NFIA: variants seen among roughly 807,000 people sequenced by gnomAD.
NFIA encodes the protein nuclear factor I A, also known as nuclear factor 1 A-type.
A neutral mutation model predicts 62.8 loss-of-function variants in NFIA; 8 were observed. The observed-to-expected ratio is 0.13, with a 90% CI of 0.07 to 0.23. NFIA has a LOEUF of 0.23. Among genes scored for constraint, NFIA ranks in the 10% least tolerant of loss-of-function variants. The probability of loss-of-function intolerance (pLI) is 1.00; values close to 1 mark genes in which losing one functional copy is unlikely to be tolerated. For missense variants in NFIA, 410 were observed against 642.1 expected (o/e 0.64, Z 3.91); for synonymous variants, 235 against 238.1 (o/e 0.99, Z 0.12).
chr1:61,391,435 A>AACACACACACAC (rs60938787), intron 7 of NFIA, among the ~76,000 whole-genome samples: 32 of 124,674 alleles, frequency 2.6e-4, no homozygotes, highest in Admixed American at 5.7e-4. Flanking sequence ...TTATGAATCA[A>AACACACACACAC]ACACACACAC....
chr1:61,339,998 G>A (rs1163920798), intron 4 of NFIA, among the ~76,000 whole-genome samples: 1 of 152,164 alleles, frequency 6.6e-6, no homozygotes, highest in Non-Finnish European at 1.5e-5. Flanking sequence ...TGACATTAGT[G>A]TATCCTTCAG....
intron 10 of NFIA, among the ~76,000 whole-genome samples, chr1:61,452,582 G>C (rs959962147): frequency 7.9e-5 from 12 of 152,094 alleles, no homozygotes; most frequent in African/African-American, 2.9e-4. Context: ...CCACCACAGG[G>C]CAGCTCAGCC....
intron 2 of NFIA, among the ~76,000 whole-genome samples, chr1:61,223,515 G>A (rs974971800): frequency 2.0e-5 from 3 of 151,940 alleles, no homozygotes; most frequent in Admixed American, 6.6e-5. Context: ...TATAAAATGA[G>A]ACTACTTGGA....
intron 2 of NFIA, among the ~76,000 whole-genome samples, chr1:61,151,655 A>C (rs17121705): frequency 0.02 from 3,075 of 152,312 alleles, 67 homozygotes; most frequent in East Asian, 0.092. Flanking sequence ...CCTGGAACTC[A>C]GAGCAGTGAT....
chr1:61,187,274 C>G (rs551865915), intron 2 of NFIA, among the ~76,000 whole-genome samples: 3 of 152,186 alleles, frequency 2.0e-5, no homozygotes, highest in African/African-American at 7.2e-5. Flanking sequence ...CCTGCCCGAG[C>G]CCCCCTTCTC....
At chr1:61,127,804 A>G (rs970711918) in intron 2 of NFIA, among the ~76,000 whole-genome samples, 1 of 152,034 alleles carries the variant, frequency 6.6e-6, no homozygotes, top group African/African-American at 2.4e-5. Context: ...TTTTTCCCCT[A>G]CTTTTCTTTG....
intron 6 of NFIA, among the ~76,000 whole-genome samples, chr1:61,360,748 A>G (rs1285116504): frequency 2.0e-5 from 3 of 152,226 alleles, no homozygotes; most frequent in Non-Finnish European, 2.9e-5. Context: ...GGTCACAGTA[A>G]TCTATACAAT....
At chr1:61,426,600 A>T in intron 10 of NFIA, 44 bp downstream of exon 10, 1 of 1,407,944 alleles carries the variant, frequency 7.1e-7, no homozygotes, top group South Asian at 1.2e-5. Flanking sequence ...AGCTTGTATT[A>T]TTCATCAGGT....
chr1:61,123,504 G>A (rs1334035088), intron 2 of NFIA, among the ~76,000 whole-genome samples: 1 of 152,130 alleles, frequency 6.6e-6, no homozygotes, highest in Non-Finnish European at 1.5e-5. Context: ...GTTGGATCTG[G>A]GCATGTGATG....
chr1:61,150,345 G>A (rs1383978205), intron 2 of NFIA, among the ~76,000 whole-genome samples: 1 of 152,140 alleles, frequency 6.6e-6, no homozygotes, highest in African/African-American at 2.4e-5. Context: ...GAGTTAGTAT[G>A]ATGTGGGTGG....
intron 2 of NFIA, among the ~76,000 whole-genome samples, chr1:61,245,098 A>G (rs998309351): frequency 1.3e-5 from 2 of 152,310 alleles, no homozygotes; most frequent in South Asian, 4.1e-4. Context: ...TCAAAATATA[A>G]GCAGAAATGG....
intron 2 of NFIA, among the ~76,000 whole-genome samples, chr1:61,175,609 G>A (rs1650289663): frequency 6.6e-6 from 1 of 152,210 alleles, no homozygotes; most frequent in Admixed American, 6.5e-5. Flanking sequence ...AAAAAAGGCA[G>A]TATTAAAAAT....
intron 2 of NFIA, among the ~76,000 whole-genome samples, chr1:61,188,813 A>T (rs1450119143): frequency 6.6e-6 from 1 of 152,144 alleles, no homozygotes; most frequent in Non-Finnish European, 1.5e-5. Context: ...GTATTTTTCC[A>T]AGTTACGTAT....
chr1:61,104,475 G>A lies in NFIA; in HGVS notation c.559+15795G>A, dbSNP rs1005496023. Among the ~76,000 whole-genome samples the A allele has an allele frequency of 1.9e-4, 29 of 152,154 alleles. No individual in the cohort carries two copies. The South Asian group carries it at 3.3e-3, about 17-fold the overall frequency. ...AACTGTTAGACCAATTTCATTAGAC[G>A]GAAATGCACCCACATATGTAAATCT... On this transcript the variant is annotated intron_variant, in intron 2 of 10. Transcript: ENST00000403491.
intron 10 of NFIA, among the ~76,000 whole-genome samples, chr1:61,429,225 T>A (rs1007305734): frequency 2.0e-5 from 3 of 152,224 alleles, no homozygotes; most frequent in African/African-American, 7.2e-5. Context: ...TACTGGGCAT[T>A]TTCTATGTAC....
At chr1:61,124,068 A>G (rs1428529103) in intron 2 of NFIA, among the ~76,000 whole-genome samples, 1 of 152,222 alleles carries the variant, frequency 6.6e-6, no homozygotes, top group Non-Finnish European at 1.5e-5. Flanking sequence ...TTTGAAAGAC[A>G]ATAAAATAAT....
intron 10 of NFIA, among the ~76,000 whole-genome samples, chr1:61,430,754 A>C (rs868227415): frequency 2.0e-5 from 3 of 151,862 alleles, no homozygotes; most frequent in African/African-American, 7.3e-5. Flanking sequence ...TTCCAATTGC[A>C]TTGTATATCT....
chr1:61,292,651 C>G (rs1010179543), intron 3 of NFIA, among the ~76,000 whole-genome samples: 3 of 152,078 alleles, frequency 2.0e-5, no homozygotes, highest in Non-Finnish European at 4.4e-5. Context: ...AAAGGCTATG[C>G]AAGAAGCAAC....
chr1:61,215,099 A>G (rs1653528992), intron 2 of NFIA, among the ~76,000 whole-genome samples: 1 of 152,180 alleles, frequency 6.6e-6, no homozygotes, highest in Non-Finnish European at 1.5e-5. Flanking sequence ...TTCTTTTAAA[A>G]CTGAAAAAAA....
Sources: gnomAD v4.1 joint callset for allele counts (sites outside exome capture counted in the v4.1 genomes callset) on GRCh38, gnomAD v4.1.1 for gene constraint, MANE v1.5 for transcripts, NCBI Gene and HGNC (gene_info 2026-07-23, HGNC 2026-07-21) for gene names.